Variants in TRAF7 observed in about 807,000 individuals in gnomAD.
TRAF7 encodes the protein E3 ubiquitin-protein ligase TRAF7.
A neutral mutation model predicts 89.3 loss-of-function variants in TRAF7; 45 were observed. The observed-to-expected ratio is 0.50, with a 90% confidence interval of 0.40 to 0.65. The LOEUF (loss-of-function observed/expected upper bound fraction) is 0.65. Among genes scored for constraint, TRAF7 ranks in the 30% least tolerant of loss-of-function variants. The probability of loss-of-function intolerance (pLI) is 0.00; values close to 1 mark genes in which losing one functional copy is unlikely to be tolerated. For missense variants in TRAF7, 677 were observed against 918.1 expected, an observed-to-expected ratio of 0.74 and a Z score of 3.39; for synonymous variants, 406 against 369.2, an observed-to-expected ratio of 1.10 and a Z score of -1.14.
intron 3 of TRAF7, among the ~76,000 whole-genome samples, chr16:2,167,385 C>T (rs1048461616): frequency 2.0e-5 from 3 of 152,226 alleles, no homozygotes; most frequent in Non-Finnish European, 2.9e-5. Context: ...GTCCTGAGTC[C>T]GGGAGGTGTC....
chr16:2,173,753 C>G (rs760863795), intron 11 of TRAF7, 35 bp from the exon 12 acceptor site: 1 of 1,608,466 alleles, frequency 6.2e-7, no homozygotes. Context: ...AGCAGCCCTG[C>G]CCACCTGCCC....
chr16:2,165,777 T>C, intron 2 of TRAF7, 102 bp from the exon 3 acceptor site: 1 of 1,352,284 alleles, frequency 7.4e-7, no homozygotes, highest in South Asian at 1.2e-5. Context: ...GAGTGCTGCG[T>C]GGCCTGGCCT....
Position 2,176,600 on chromosome 16 carries a change from C to G in TRAF7, c.*26C>G. The G allele has an allele frequency of 6.2e-7, 1 of 1,613,396 alleles. No homozygotes were observed. The highest frequency in any genetic ancestry group is 8.5e-7 in the Non-Finnish European group (1 of 1,179,992). On this transcript the variant is annotated 3_prime_UTR_variant, in exon 21 of 21. Transcript: ENST00000326181. The stretch of plus-strand genomic sequence containing the variant: ...CAGGATCCAGGCCAGGCTGTGGTTT[C>G]CCCTGAACCAGCCCTGGACCTTTCT...
At chr16:2,164,189 CGT>C (rs75258558) in intron 2 of TRAF7, among the ~76,000 whole-genome samples, 188 bp downstream of exon 2, 155 of 140,976 alleles carry the variant, frequency 1.1e-3, no homozygotes, top group South Asian at 7.6e-3. Context: ...CGCACGCGTG[CGT>C]GTGTGGTTGG....
chr16:2,172,184 C>G lies in TRAF7; in HGVS notation c.476-7C>G, dbSNP rs933130969. ...GCCGTGAGGGTCAGCACGCCCTCCT[C>G]TCCCAGAGAAGTGTCCCGTGGACAA... is the stretch of plus-strand genomic sequence containing the variant. On this transcript the variant is annotated splice_region_variant and splice_polypyrimidine_tract_variant and intron_variant, in intron 7 of 20. Transcript: ENST00000326181. The G allele has an allele frequency of 6.2e-7, 1 of 1,612,862 alleles. No homozygotes were observed. Among genetic ancestry groups the G allele is most frequent in the East Asian group, 2.2e-5 (1 of 44,868 alleles).
chr16:2,173,859 T>TTGGGGGGCCCCCCCCCC, intron 12 of TRAF7, 23 bp downstream of exon 12: 2 of 1,246,238 alleles, frequency 1.6e-6, no homozygotes, highest in Non-Finnish European at 2.2e-6. Context: ...CCGCCGTGGC[T>TTGGGGGGCCCCCCCCCC]CCCGCCCACC....
At chr16:2,164,474 C>A (rs1201011326) in intron 2 of TRAF7, among the ~76,000 whole-genome samples, 2 of 137,808 alleles carry the variant, frequency 1.5e-5, no homozygotes, top group Non-Finnish European at 3.1e-5. Context: ...GTGGCCTGGC[C>A]TGGTCGCATG....
rs1486254128 is a variant in TRAF7 at position 2,175,414 on chromosome 16, C to G, written c.1500C>G (p.Ile500Met). 6.2e-7 allele frequency: 1 copy of G among 1,613,372 alleles called. No homozygotes were observed. Among genetic ancestry groups the G allele is most frequent in the Non-Finnish European group, 8.5e-7 (1 of 1,179,934 alleles). ...TCTTCAGCGGCTCCCTGAAGGCCAT[C>G]AAGGTACGGGTGGAGGCTGTGCCTA... ...NVLFSGSLKA[I>M]KVWDIVGTEL... is the part of the protein sequence containing the mutation. The change falls in exon 16 of 21, where the codon ATC (isoleucine) becomes ATG (methionine). Residue 500 changes from isoleucine (I) to methionine (M), a missense_variant. Physicochemically the swap from Ile to Met is conservative, Grantham distance 10. Coordinates refer to ENST00000326181, the MANE Select transcript of TRAF7 (RefSeq NM_032271.3).
In TRAF7 at chr16:2,159,904, C is replaced by G. The variant is rs986112782; in HGVS notation, c.-38-3979C>G. 2.0e-5 allele frequency among the ~76,000 whole-genome samples: 3 copies of G among 152,226 alleles called. No homozygotes were observed. Among genetic ancestry groups the G allele is most frequent in the South Asian group, 2.1e-4 (1 of 4,834 alleles). The stretch of plus-strand genomic sequence containing the variant: ...TCAGCAGGGCCCCCCAGGCTGCTGC[C>G]AAGTGGGCGGGGACCCCTGACCCAG... On this transcript the variant is annotated intron_variant, in intron 1 of 20. Transcript: ENST00000326181. This position sits in a 1 kb window ranked among gnomAD's most constrained non-coding sequence, Gnocchi z 6.5.
At position 2,161,852 on chromosome 16, in the gene TRAF7, A is replaced by G. The variant is rs985402289; in HGVS notation, c.-38-2031A>G. Among the ~76,000 whole-genome samples, 9 of 152,210 alleles carry G rather than the reference A, an allele frequency of 5.9e-5. No homozygotes were observed. Among genetic ancestry groups the G allele is most frequent in the Non-Finnish European group, 1.5e-5 (1 of 68,026 alleles). On this transcript the variant is annotated intron_variant, in intron 1 of 20. Transcript: ENST00000326181. The surrounding 1 kb of genome is among the most constrained non-coding windows in gnomAD (Gnocchi z 5.2). ...GCTGGAGACGGGATAGACATGTGCC[A>G]GGGCAGAGCAGCCTTGTAGACACAC...
chr16:2,172,675 G>T, intron 9 of TRAF7, 76 bp downstream of exon 9: 1 of 1,477,136 alleles, frequency 6.8e-7, no homozygotes, highest in South Asian at 1.3e-5. Flanking sequence ...CTGCCCGCTT[G>T]CTGGTCCCGG....
intron 14 of TRAF7, 74 bp from the exon 15 acceptor site, chr16:2,175,037 C>A: frequency 6.3e-7 from 1 of 1,596,570 alleles, no homozygotes; most frequent in South Asian, 1.1e-5. Flanking sequence ...TGGCATGGAC[C>A]TCGGGCCCTG....
rs998688402 is a variant in TRAF7 at position 2,158,770 on chromosome 16, G to GA, written c.-39+2912_-39+2913insA. ...GGGACTGGGAAGCGTGGGCTCGGCG[G>GA]GGGGGGGGGGGACACTGCCACCCTT... On this transcript the variant is annotated intron_variant, in intron 1 of 20. Coordinates refer to ENST00000326181, the MANE Select transcript of TRAF7 (RefSeq NM_032271.3). The surrounding 1 kb of genome is among the most constrained non-coding windows in gnomAD (Gnocchi z 4.7). Among the ~76,000 whole-genome samples the GA allele has an allele frequency of 9.5e-5, 12 of 125,828 alleles. 1 individual carries two copies. The East Asian group carries it at 1.2e-3, about 13-fold the overall frequency. 82.5% of individuals were successfully genotyped at this position (125,828 alleles called of 152,430 possible).
At chr16:2,171,156 T>C (rs13331284) in intron 5 of TRAF7, 108 bp from the exon 6 acceptor site, 68,395 of 875,838 alleles carry the variant, frequency 0.078, 4,674 homozygotes, top group African/African-American at 0.31. Context: ...GACGTGACCC[T>C]GTCCTCAGAG....
At chr16:2,172,684 G>A (rs981814938) in intron 9 of TRAF7, 85 bp downstream of exon 9, 71 of 1,446,026 alleles carry the variant, frequency 4.9e-5, no homozygotes, top group African/African-American at 8.5e-5. Context: ...TGCTGGTCCC[G>A]GGGAGGTAGG....
At chr16:2,176,507 G>T in intron 20 of TRAF7, 53 bp from the exon 21 acceptor site, 1 of 1,613,020 alleles carries the variant, frequency 6.2e-7, no homozygotes, top group Non-Finnish European at 8.5e-7. Context: ...GGTGTGGCTG[G>T]GGCAGGGCAG....
chr16:2,169,350 C>G (rs1440964185), intron 4 of TRAF7, among the ~76,000 whole-genome samples: 1 of 152,180 alleles, frequency 6.6e-6, no homozygotes, highest in East Asian at 1.9e-4. Context: ...AGGCCGAGGG[C>G]GAGTTGGGTA....
chr16:2,172,567 C>T lies in TRAF7; in HGVS notation c.762C>T (p.Cys254=), dbSNP rs780317358. 105 of 1,558,198 alleles carry T rather than the reference C, an allele frequency of 6.7e-5. No individual in the cohort carries two copies. The highest frequency in any genetic ancestry group is 1.1e-4 in the Admixed American group (6 of 52,638). ...RMNLEAHLKE[C]EHIKCPHSKY... ...ACCTGGAGGCCCACCTCAAGGAGTGCGAGCACATCAAATGCCCCCACTCCA... is the reference window on the plus strand; with the variant it reads ...ACCTGGAGGCCCACCTCAAGGAGTGTGAGCACATCAAATGCCCCCACTCCA... Residue 254 remains cysteine (C), a synonymous_variant, in exon 9 of 21, where the codon TGC becomes TGT. Transcript: ENST00000326181.
At chr16:2,155,884 C>T (rs1014895791) in intron 1 of TRAF7, 26 bp downstream of exon 1, 3 of 150,444 alleles carry the variant, frequency 2.0e-5, no homozygotes, top group African/African-American at 7.3e-5. Flanking sequence ...GCGCGCCCGA[C>T]CCGGGGCTCG....
Sources: allele counts gnomAD v4.1 joint callset (sites outside exome capture counted in the v4.1 genomes callset), GRCh38; gene constraint gnomAD v4.1.1; non-coding constraint Gnocchi (gnomAD v3.1); transcripts MANE v1.5; gene names NCBI Gene and HGNC (gene_info 2026-07-23, HGNC 2026-07-21).